The following SV2B variants were observed in gnomAD, a reference collection of about 807,000 sequenced individuals.
The protein encoded by SV2B is synaptic vesicle glycoprotein 2B, also known as solute carrier family 22 member B2.
In SV2B, 41 loss-of-function variants were observed where a neutral mutation model predicts 73.9. The observed-to-expected ratio is 0.56, with a 90% confidence interval of 0.43 to 0.72. The LOEUF is 0.72. Ranked by LOEUF, SV2B falls within the 30% of genes least tolerant of loss-of-function variation. The pLI, the probability that SV2B is intolerant of heterozygous loss-of-function variation, is 0.00. For synonymous variants in SV2B, 314 were observed against 314.2 expected (o/e 1.00, Z 0.01); for missense variants, 764 against 857.8 (o/e 0.89, Z 1.37).
At chr15:91,145,298 T>C (rs1258147917) in intron 1 of SV2B, among the ~76,000 whole-genome samples, 1 of 152,230 alleles carries the variant, frequency 6.6e-6, no homozygotes, top group Non-Finnish European at 1.5e-5. Context: ...GCTCTATCCA[T>C]GTTCCTGAAA....
At chr15:91,144,325 T>C (rs1253374924) in intron 1 of SV2B, among the ~76,000 whole-genome samples, 1 of 152,102 alleles carries the variant, frequency 6.6e-6, no homozygotes, top group African/African-American at 2.4e-5. Context: ...AAAAGAAAAC[T>C]CAAGGGATTT....
rs755565945 is a variant in SV2B at position 91,226,464 on chromosome 15, G to A, written c.201G>A (p.Ala67=). The change falls in exon 2 of 13, where the codon GCG becomes GCA. Residue 67 remains alanine (A), a synonymous_variant. Transcript: ENST00000394232. ...DDVKAKQAKM[A]PSRMDSLRGQ... ...TCAAGGCCAAGCAGGCCAAGATGGC[G>A]CCCTCCAGAATGGACAGCCTTCGGG... 29 of 1,614,070 alleles carry A rather than the reference G, an allele frequency of 1.8e-5. No homozygotes were observed. Among genetic ancestry groups the A allele is most frequent in the African/African-American group, 2.7e-5 (2 of 74,938 alleles).
Position 91,239,794 on chromosome 15 carries a change from G to A in SV2B, c.452-12025G>A, listed in dbSNP as rs2046933567. Among the ~76,000 whole-genome samples, 1 of 152,214 alleles carries A rather than the reference G, an allele frequency of 6.6e-6. No homozygotes were observed. The highest frequency in any genetic ancestry group is 1.5e-5 in the Non-Finnish European group (1 of 68,048). On this transcript the variant is annotated intron_variant, in intron 2 of 12. Coordinates refer to ENST00000394232, the MANE Select transcript of SV2B (RefSeq NM_001323032.3). The surrounding 1 kb of genome is among the most constrained non-coding windows in gnomAD (Gnocchi z 5.1). ...AATTTTCAAAGTAGGTGGTACCAGA[G>A]TTGGTTCGATGACTCACTGATGTCA...
In SV2B at chr15:91,252,617, G is replaced by A. The variant is rs1368177137; in HGVS notation, c.784+97G>A. On this transcript the variant is annotated intron_variant, in intron 4 of 12. Transcript: ENST00000394232. This position sits in a 1 kb window ranked among gnomAD's most constrained non-coding sequence, Gnocchi z 4.6. ...CCTCAGCCTTATTCCATGTACTCAC[G>A]CACAGTTCCCGTACGTGACCTTGAT... 20 of 1,319,136 alleles carry A rather than the reference G, an allele frequency of 1.5e-5. No individual in the cohort carries two copies. The highest frequency in any genetic ancestry group is 4.2e-5 in the South Asian group (2 of 47,980). The allele number at this position is 1,319,136 out of a possible 1,614,324, so 81.7% of individuals were successfully genotyped here.
chr15:91,142,233 G>T (rs954593876), intron 1 of SV2B, among the ~76,000 whole-genome samples: 2 of 152,086 alleles, frequency 1.3e-5, no homozygotes, highest in Non-Finnish European at 2.9e-5. Context: ...CCTCTCTTCT[G>T]TGCTTACTCT....
At position 91,245,096 on chromosome 15, in the gene SV2B, T is replaced by C. The variant is rs761391094; in HGVS notation, c.452-6723T>C. On this transcript the variant is annotated intron_variant, in intron 2 of 12. Coordinates refer to ENST00000394232, the MANE Select transcript of SV2B (RefSeq NM_001323032.3). The surrounding 1 kb of genome is among the most constrained non-coding windows in gnomAD (Gnocchi z 4.2). ...ACGGTAAGCCAGTGCGGTCTGATGG[T>C]ACATCTTATCCTGCTGCCTCTGGTG... Among the ~76,000 whole-genome samples the C allele has an allele frequency of 5.3e-5, 8 of 152,226 alleles. No individual in the cohort carries two copies. The highest frequency in any genetic ancestry group is 1.0e-4 in the Non-Finnish European group (7 of 68,036).
rs528400792 is a variant in SV2B at position 91,186,422 on chromosome 15, T to G, written c.-391-39451T>G. ...CATTATACATGGAGTGAGACAAAGC[T>G]AGTTTTGAAGCCTAGTCCACAATTT... On this transcript the variant is annotated intron_variant, in intron 1 of 12. Coordinates refer to ENST00000394232, the MANE Select transcript of SV2B (RefSeq NM_001323032.3). Among the ~76,000 whole-genome samples, 7 of 152,318 alleles carry G rather than the reference T, an allele frequency of 4.6e-5. No individual in the cohort carries two copies. In the East Asian group the frequency reaches 1.3e-3, roughly 29 times the overall value.
At chr15:91,216,768 T>TA (rs1567353569) in intron 1 of SV2B, among the ~76,000 whole-genome samples, 1 of 87,112 alleles carries the variant, frequency 1.1e-5, no homozygotes, top group Non-Finnish European at 2.1e-5. Flanking sequence ...TTAACTTGTA[T>TA]TTTTTTTTTT....
Position 91,154,359 on chromosome 15 carries a change from T to C in SV2B, c.-392+53996T>C, listed in dbSNP as rs1432058219. Reference sequence around the variant, plus strand: ...CACTAGACATGGTAGCACAAAAACATGGTTGGCCAGGAAGGCTTAGGGTCA... The same window carrying C: ...CACTAGACATGGTAGCACAAAAACACGGTTGGCCAGGAAGGCTTAGGGTCA... On this transcript the variant is annotated intron_variant, in intron 1 of 12. Coordinates refer to ENST00000394232, the MANE Select transcript of SV2B (RefSeq NM_001323032.3). 2.6e-5 allele frequency among the ~76,000 whole-genome samples: 4 copies of C among 151,964 alleles called. No homozygotes were observed. In the East Asian group the frequency reaches 7.7e-4, roughly 29 times the overall value.
At chr15:91,260,785 G>A (rs1228986556) in intron 6 of SV2B, among the ~76,000 whole-genome samples, 7 of 152,104 alleles carry the variant, frequency 4.6e-5, no homozygotes, top group East Asian at 1.9e-4. Context: ...GGCGGGAGGC[G>A]AAAGGCACTT....
At position 91,290,280 on chromosome 15, in the gene SV2B, A is replaced by G. The variant is rs1215117147; in HGVS notation, c.1868+600A>G. On this transcript the variant is annotated intron_variant, in intron 12 of 12. Transcript: ENST00000394232. This position sits in a 1 kb window ranked among gnomAD's most constrained non-coding sequence, Gnocchi z 4.7. ...GCCCTGTGGTCAAAAAGGAATGTGA[A>G]GAGGTAAGGAAGGTGGGTAAATGAA... 6.6e-6 allele frequency among the ~76,000 whole-genome samples: 1 copy of G among 152,192 alleles called. No individual in the cohort carries two copies. The highest frequency in any genetic ancestry group is 1.5e-5 in the Non-Finnish European group (1 of 68,034).
At chr15:91,247,756 A>G (rs766726604) in intron 2 of SV2B, among the ~76,000 whole-genome samples, 2 of 152,090 alleles carry the variant, frequency 1.3e-5, no homozygotes, top group Non-Finnish European at 2.9e-5. Context: ...CCAGCCCTGA[A>G]GCCTCCCTCT....
chr15:91,259,728 C>T (rs906143979), intron 5 of SV2B, among the ~76,000 whole-genome samples: 1 of 152,172 alleles, frequency 6.6e-6, no homozygotes, highest in Admixed American at 6.5e-5. Flanking sequence ...CTGCAACACT[C>T]CAGTCGTGGC....
intron 1 of SV2B, among the ~76,000 whole-genome samples, chr15:91,221,693 G>GCGCGCGCGCACACACACACACACACA (rs370290337): frequency 5.0e-5 from 7 of 140,066 alleles, no homozygotes; most frequent in African/African-American, 1.7e-4. Context: ...AAGCATGTGC[G>GCGCGCGCGCACACACACACACACACA]CACACACACA....
In SV2B at chr15:91,226,795, C is replaced by T; in HGVS notation, c.451+81C>T. ...ATCTAGTATCTGTCACTATTAGGCA[C>T]TTTAAATATATCACAATGTACCCAT... On this transcript the variant is annotated intron_variant, in intron 2 of 12. Transcript: ENST00000394232. The T allele has an allele frequency of 3.4e-6, 5 of 1,469,208 alleles. No individual in the cohort carries two copies. In the South Asian group the frequency reaches 5.3e-5, roughly 15 times the overall value. The allele number at this position is 1,469,208 out of a possible 1,614,324, so 91.0% of individuals were successfully genotyped here.
chr15:91,203,884 G>A (rs1030323638), intron 1 of SV2B, among the ~76,000 whole-genome samples: 4 of 152,252 alleles, frequency 2.6e-5, no homozygotes, highest in Non-Finnish European at 5.9e-5. Flanking sequence ...ACAGCCTTTA[G>A]TACAAGTTAA....
At chr15:91,269,885 C>T (rs2048235640) in intron 9 of SV2B, among the ~76,000 whole-genome samples, 1 of 152,138 alleles carries the variant, frequency 6.6e-6, no homozygotes, top group African/African-American at 2.4e-5. Flanking sequence ...TACTCATATA[C>T]CCATGCATCT....
chr15:91,277,880 G>A (rs536227686), intron 9 of SV2B, among the ~76,000 whole-genome samples: 77 of 151,948 alleles, frequency 5.1e-4, no homozygotes, highest in African/African-American at 1.8e-3. Context: ...TTCAGTTATC[G>A]TTCCTAAAGG....
chr15:91,276,805 GTTATTATTA>G (rs3082230), intron 9 of SV2B, among the ~76,000 whole-genome samples: 31 of 92,120 alleles, frequency 3.4e-4, no homozygotes, highest in East Asian at 1.7e-3. Context: ...TATTGTTGTT[GTTATTATTA>G]TTATTATTAT....
Sources: allele counts gnomAD v4.1 joint callset (sites outside exome capture counted in the v4.1 genomes callset), GRCh38; gene constraint gnomAD v4.1.1; non-coding constraint Gnocchi (gnomAD v3.1); transcripts MANE v1.5; gene names NCBI Gene and HGNC (gene_info 2026-07-23, HGNC 2026-07-21).